Variants in ZNF721 observed in about 807,000 individuals in gnomAD.
ZNF721 encodes the protein zinc finger protein 721.
A neutral mutation model predicts 2.4 loss-of-function variants in ZNF721; 2 were observed. That is an observed-to-expected ratio of 0.82 (90% CI 0.34 to 2.58). The LOEUF (loss-of-function observed/expected upper bound fraction) is 2.58. ZNF721 is among the 30% of genes most tolerant of loss of function. The pLI is 0.11. For missense variants in ZNF721, 1,187 were observed against 1,085.5 expected (o/e 1.09, Z -1.31); for synonymous variants, 398 against 381.8 (o/e 1.04, Z -0.50).
chr4:490,996 C>T (rs1553871389), intron 1 of ZNF721, among the ~76,000 whole-genome samples: 2 of 152,034 alleles, frequency 1.3e-5, no homozygotes, highest in Admixed American at 6.5e-5. Context: ...GTTACATCCA[C>T]CCACCACAGC....
Position 440,095 on chromosome 4 carries a change from T to G in ZNF721, c.*1600A>C, listed in dbSNP as rs2108685893. 1 of 152,328 alleles carries G rather than the reference T, an allele frequency of 6.6e-6. No individual in the cohort carries two copies. Among genetic ancestry groups the G allele is most frequent in the African/African-American group, 2.4e-5 (1 of 41,586 alleles). 9.4% of individuals were successfully genotyped at this position (152,328 alleles called of 1,614,324 possible). On this transcript the variant is annotated 3_prime_UTR_variant, in exon 3 of 3. Coordinates refer to ENST00000511833, the MANE Select transcript of ZNF721 (RefSeq NM_133474.4). ...TGCACTTATTACATAAATATACAGTTGGCAAAACAATTTACTACTAAAATT... is the reference window on the plus strand; with the variant it reads ...TGCACTTATTACATAAATATACAGTGGGCAAAACAATTTACTACTAAAATT...
rs374982400 is a variant in ZNF721 at position 443,692 on chromosome 4, A to T, written c.775T>A (p.Ser259Thr). 102 of 1,612,908 alleles carry T rather than the reference A, an allele frequency of 6.3e-5. 1 individual carries two copies. The highest frequency in any genetic ancestry group is 6.7e-5 in the Admixed American group (4 of 59,948). Residue 259 changes from serine to threonine, a missense_variant, in exon 3 of 3, where the codon TCC becomes ACC. By Grantham distance (58) the Ser-to-Thr change is moderately conservative (BLOSUM62 1). Transcript: ENST00000511833. Reference protein sequence around the residue: ...YKCKECGKVISSSSSFAKHKR... With the variant: ...YKCKECGKVITSSSSFAKHKR... ...TGTTTAGCAAAGCTTGAGGATGAGG[A>T]AATGACTTTGCCACATTCCTTACAT...
In ZNF721 at chr4:443,782, C is replaced by A; in HGVS notation, c.685G>T (p.Ala229Ser). 4.3e-6 allele frequency: 7 copies of A among 1,613,830 alleles called. No homozygotes were observed. The African/African-American group carries it at 6.7e-5, about 15-fold the overall frequency. The change falls in exon 3 of 3, where the codon GCC becomes TCC. Residue 229 changes from alanine to serine, a missense_variant. Ala to Ser is a moderately conservative substitution (Grantham distance 99, BLOSUM62 1). Transcript: ENST00000511833. ...TTCAGGTGTGAGGAATGCATAAAGG[C>A]TTTCCCACATTCTTTACATTTGTAG... ...KPYKCKECGK[A>S]FMHSSHLNKH...
intron 1 of ZNF721, chr4:473,928 C>A: frequency 6.7e-7 from 1 of 1,497,908 alleles, no homozygotes; most frequent in African/African-American, 1.4e-5. Context: ...CCATTTGCCG[C>A]CGGTTCTGAT....
chr4:446,733 T>C (rs1247317784), intron 2 of ZNF721, among the ~76,000 whole-genome samples: 1 of 151,058 alleles, frequency 6.6e-6, no homozygotes, highest in Non-Finnish European at 1.5e-5. Flanking sequence ...CTCACTCTGT[T>C]GCCAGGCTGG....
At chr4:466,250 C>CG (rs1715247531) in intron 2 of ZNF721, among the ~76,000 whole-genome samples, 1 of 152,198 alleles carries the variant, frequency 6.6e-6, no homozygotes, top group South Asian at 2.1e-4. Flanking sequence ...CGTGTGCACT[C>CG]GCACACATGC....
intron 2 of ZNF721, among the ~76,000 whole-genome samples, chr4:459,247 G>A (rs1213840767): frequency 6.6e-6 from 1 of 151,980 alleles, no homozygotes; most frequent in African/African-American, 2.4e-5. Context: ...ACCAACTAAT[G>A]GGCAAAATAA....
Position 443,498 on chromosome 4 carries a change from A to C in ZNF721, c.969T>G (p.His323Gln). Residue 323 changes from histidine (H) to glutamine (Q), a missense_variant, in exon 3 of 3, where the codon CAT becomes CAG. His to Gln is a conservative substitution (Grantham distance 24). Transcript: ENST00000511833. ...AFRQSANLYVHRRIHTGEKPY... is the reference protein window; with the variant it reads ...AFRQSANLYVQRRIHTGEKPY... ...GTTTCTCTCCAGTATGAATTCTCCT[A>C]TGTACATAAAGGTTTGCGGACTGTC... 1.2e-6 allele frequency: 2 copies of C among 1,613,774 alleles called. No homozygotes were observed. Among genetic ancestry groups the C allele is most frequent in the Non-Finnish European group, 1.7e-6 (2 of 1,179,834 alleles).
intron 2 of ZNF721, among the ~76,000 whole-genome samples, chr4:450,704 G>A (rs34767944): frequency 0.18 from 26,697 of 151,448 alleles, 2,953 homozygotes; most frequent in Non-Finnish European, 0.23. Context: ...TTGGGAGGCC[G>A]AGGCAGGCAC....
rs61793703 is a variant in ZNF721 at position 442,106 on chromosome 4, G to A, written c.2361C>T (p.Gly787=). The part of the protein sequence containing the change: ...GKKPYKCKEC[G]KVITSSSSFA... ...AGCTTGAGGATGACGTAATGACTTT[G>A]CCACATTCCTTACATTTGTAGGGTT... Residue 787 remains glycine (G), a synonymous_variant, in exon 3 of 3, where the codon GGC becomes GGT. Coordinates refer to ENST00000511833, the MANE Select transcript of ZNF721 (RefSeq NM_133474.4). 71 of 1,613,728 alleles carry A rather than the reference G, an allele frequency of 4.4e-5. No individual in the cohort carries two copies. Among genetic ancestry groups the A allele is most frequent in the Non-Finnish European group, 5.9e-5 (70 of 1,179,808 alleles).
intron 2 of ZNF721, among the ~76,000 whole-genome samples, chr4:456,091 G>T (rs1553865402): frequency 4.1e-5 from 4 of 96,906 alleles, no homozygotes; most frequent in African/African-American, 2.2e-4. Context: ...TATTTATTGA[G>T]ATGGAGTCTC....
intron 2 of ZNF721, among the ~76,000 whole-genome samples, chr4:454,471 G>A (rs1392704812): frequency 1.3e-5 from 2 of 152,176 alleles, no homozygotes; most frequent in East Asian, 1.9e-4. Flanking sequence ...TATGCTTACC[G>A]CAGCCCAAGG....
chr4:458,742 A>G (rs1714920260), intron 2 of ZNF721, among the ~76,000 whole-genome samples: 2 of 152,138 alleles, frequency 1.3e-5, no homozygotes, highest in Non-Finnish European at 2.9e-5. Flanking sequence ...GCCACCCAGG[A>G]GGCTAAGGCA....
intron 2 of ZNF721, among the ~76,000 whole-genome samples, chr4:463,730 G>A (rs1425974138): frequency 6.6e-6 from 1 of 152,100 alleles, no homozygotes; most frequent in Non-Finnish European, 1.5e-5. Context: ...CACACCAAGG[G>A]AAACATCACA....
rs782156755 is a variant in ZNF721 at position 444,182 on chromosome 4, A to G, written c.285T>C (p.Asn95=). ...ARVKVFSKFA[N]SNKDKTRHTG... is the part of the protein sequence containing the mutation. ...TATGTCTTGTCTTATCTTTGTTTGA[A>G]TTTGCAAATTTACTAAAAACTTTGA... The change falls in exon 3 of 3, where the codon AAT becomes AAC. Residue 95 remains asparagine (N), a synonymous_variant. Coordinates refer to ENST00000511833, the MANE Select transcript of ZNF721 (RefSeq NM_133474.4). 1.2e-6 allele frequency: 2 copies of G among 1,613,846 alleles called. No homozygotes were observed. Among genetic ancestry groups the G allele is most frequent in the South Asian group, 1.1e-5 (1 of 91,076 alleles).
rs528446488 is a variant in ZNF721, at chr4:450,789, T to C, written c.35-6357A>G. Among the ~76,000 whole-genome samples the C allele has an allele frequency of 6.0e-5, 9 of 151,034 alleles. No homozygotes were observed. In the East Asian group the frequency reaches 1.4e-3, roughly 23 times the overall value. ...CATCTCTACTAAACATACAAAAAAT[T>C]AGATGGGCATGGTGGCAGGTGCCTG... On this transcript the variant is annotated intron_variant, in intron 2 of 2. Coordinates refer to ENST00000511833, the MANE Select transcript of ZNF721 (RefSeq NM_133474.4).
At chr4:453,794 C>G (rs1714750133) in intron 2 of ZNF721, 1 of 152,238 alleles carries the variant, frequency 6.6e-6, no homozygotes, top group South Asian at 2.1e-4. Context: ...ACAACACTTG[C>G]AATCCAACCT....
At chr4:475,913 A>C (rs1553868576) in intron 1 of ZNF721, among the ~76,000 whole-genome samples, 1 of 152,144 alleles carries the variant, frequency 6.6e-6, no homozygotes. Flanking sequence ...TCCTCTATAC[A>C]TCTATGCTAC....
intron 1 of ZNF721, among the ~76,000 whole-genome samples, chr4:488,087 C>A (rs150469637): frequency 6.6e-6 from 1 of 152,200 alleles, no homozygotes; most frequent in African/African-American, 2.4e-5. Flanking sequence ...AAAAGGAGTA[C>A]TTAAAACCCA....
Sources: gnomAD v4.1 joint callset for allele counts (sites outside exome capture counted in the v4.1 genomes callset) on GRCh38, gnomAD v4.1.1 for gene constraint, MANE v1.5 for transcripts, NCBI Gene and HGNC (gene_info 2026-07-23, HGNC 2026-07-21) for gene names.